The following MTMR3 variants were observed in gnomAD, a reference collection of about 807,000 sequenced individuals.
MTMR3 encodes phosphatidylinositol-3,5-bisphosphate 3-phosphatase MTMR3.
In MTMR3, 32 loss-of-function variants were observed where a neutral mutation model predicts 132.4. That is an observed-to-expected ratio of 0.24 (90% CI 0.18 to 0.32). The LOEUF (loss-of-function observed/expected upper bound fraction) is 0.32, where lower values mean the gene tolerates loss of function less well. Among genes scored for constraint, MTMR3 ranks in the 10% least tolerant of loss-of-function variants. MTMR3 has a pLI of 1.00. For synonymous variants in MTMR3, 556 were observed against 550.3 expected, an observed-to-expected ratio of 1.01 and a Z score of -0.14; for missense variants, 1,216 against 1,489.6, an observed-to-expected ratio of 0.82 and a Z score of 3.02.
At chr22:30,023,523 C>G in intron 19 of MTMR3, 1 of 1,609,072 alleles carries the variant, frequency 6.2e-7, no homozygotes, top group South Asian at 1.1e-5. Context: ...GTCTGCACAT[C>G]TACAATAACT....
chr22:29,936,468 G>T (rs2065752515), intron 1 of MTMR3, among the ~76,000 whole-genome samples: 1 of 152,002 alleles, frequency 6.6e-6, no homozygotes, highest in Non-Finnish European at 1.5e-5. Flanking sequence ...GCTTTTTCCT[G>T]TACTAGATGC....
intron 9 of MTMR3, chr22:30,004,760 G>A (rs2067242222): frequency 1.3e-5 from 2 of 152,242 alleles, no homozygotes; most frequent in African/African-American, 4.8e-5. Flanking sequence ...TTTGTAAGGG[G>A]CGTGTGGAAG....
chr22:30,020,001 T>TC lies in MTMR3; in HGVS notation c.2349dup (p.Arg784GlnfsTer22), dbSNP rs754172179. The TC allele has an allele frequency of 6.2e-7, 1 of 1,613,616 alleles. No individual in the cohort carries two copies. The highest frequency in any genetic ancestry group is 8.5e-7 in the Non-Finnish European group (1 of 1,179,894). On this transcript the variant is annotated frameshift_variant, in exon 17 of 20. Coordinates refer to ENST00000401950, the MANE Select transcript of MTMR3 (RefSeq NM_021090.4). LOFTEE classifies it high-confidence loss of function. Reference sequence around the variant, plus strand: ...AGTGTTCTCCTCAGTTCTCTCCAGGTCCCCCCCAGGGGAGAGGATTCCCTG... The same window carrying TC: ...AGTGTTCTCCTCAGTTCTCTCCAGGTCCCCCCCCAGGGGAGAGGATTCCCTG...
At chr22:30,023,406 C>T in intron 19 of MTMR3, 1 of 1,607,882 alleles carries the variant, frequency 6.2e-7, no homozygotes, top group Non-Finnish European at 8.5e-7. Flanking sequence ...ACCCCAAGCC[C>T]AGATATCTTT....
At chr22:29,921,300 G>A (rs938152355) in intron 1 of MTMR3, among the ~76,000 whole-genome samples, 1 of 152,086 alleles carries the variant, frequency 6.6e-6, no homozygotes, top group Non-Finnish European at 1.5e-5. Context: ...CAGTTCTCAC[G>A]TGAACTAATA....
At chr22:29,977,491 T>TAGG (rs1295400905) in intron 3 of MTMR3, among the ~76,000 whole-genome samples, 13 of 152,360 alleles carry the variant, frequency 8.5e-5, no homozygotes, top group African/African-American at 3.1e-4. Flanking sequence ...AGAAATCTAT[T>TAGG]TTGTAATATA....
chr22:29,961,834 T>C (rs1192060962), intron 2 of MTMR3, among the ~76,000 whole-genome samples: 1 of 152,224 alleles, frequency 6.6e-6, no homozygotes, highest in African/African-American at 2.4e-5. Flanking sequence ...TTTTAATCTT[T>C]TGTATCATTT....
At chr22:29,998,195 T>C (rs1042189518) in intron 7 of MTMR3, 4 of 152,394 alleles carry the variant, frequency 2.6e-5, no homozygotes, top group Admixed American at 1.3e-4. Context: ...TCAGTGATAC[T>C]GTTCTCAGAG....
intron 1 of MTMR3, among the ~76,000 whole-genome samples, chr22:29,893,378 T>A (rs551843160): frequency 1.3e-5 from 2 of 152,360 alleles, no homozygotes; most frequent in South Asian, 4.1e-4. Flanking sequence ...TATTTGTATG[T>A]ATGTATTTGT....
At chr22:29,963,125 T>G (rs1292213152) in intron 2 of MTMR3, among the ~76,000 whole-genome samples, 2 of 151,928 alleles carry the variant, frequency 1.3e-5, no homozygotes, top group Non-Finnish European at 2.9e-5. Context: ...TTATTATTAT[T>G]TTATAGAGAT....
At chr22:29,889,907 C>CTTTT (rs11399020) in intron 1 of MTMR3, among the ~76,000 whole-genome samples, 14 of 124,906 alleles carry the variant, frequency 1.1e-4, no homozygotes, top group Non-Finnish European at 1.4e-4. Context: ...AGGATAAATT[C>CTTTT]TTTTTTTTTT....
intron 2 of MTMR3, among the ~76,000 whole-genome samples, chr22:29,968,186 A>G (rs1228840442): frequency 6.6e-6 from 1 of 152,168 alleles, no homozygotes; most frequent in Admixed American, 6.5e-5. Flanking sequence ...AGGTTGTACC[A>G]CTTTACATTC....
At chr22:29,961,023 A>G (rs1234511514) in intron 2 of MTMR3, among the ~76,000 whole-genome samples, 1 of 152,188 alleles carries the variant, frequency 6.6e-6, no homozygotes, top group Non-Finnish European at 1.5e-5. Context: ...GTATAAACAT[A>G]CTTTGGAATT....
intron 1 of MTMR3, among the ~76,000 whole-genome samples, chr22:29,897,073 CTTTTTCTTT>C (rs1047269341): frequency 2.6e-4 from 39 of 150,942 alleles, no homozygotes; most frequent in Admixed American, 5.3e-4. Flanking sequence ...TTTTCTTTTT[CTTTTTCTTT>C]TTTTTCTTTT....
intron 1 of MTMR3, among the ~76,000 whole-genome samples, chr22:29,905,235 C>A (rs1235385157): frequency 6.6e-6 from 1 of 152,150 alleles, no homozygotes; most frequent in Non-Finnish European, 1.5e-5. Flanking sequence ...CCCTGTGGAA[C>A]CTGCCTATAT....
At chr22:30,023,295 G>T (rs1436724687) in intron 19 of MTMR3, 2 of 697,656 alleles carry the variant, frequency 2.9e-6, no homozygotes, top group African/African-American at 3.5e-5. Flanking sequence ...AAGTTTATCT[G>T]AATCATGCCA....
At chr22:30,005,400 C>G (rs904530151) in intron 9 of MTMR3, 1 of 152,184 alleles carries the variant, frequency 6.6e-6, no homozygotes, top group Non-Finnish European at 1.5e-5. Flanking sequence ...AACCCAAGAT[C>G]CAGGCTGAAG....
chr22:29,930,013 A>C (rs1481739438), intron 1 of MTMR3, among the ~76,000 whole-genome samples: 1 of 152,156 alleles, frequency 6.6e-6, no homozygotes, highest in African/African-American at 2.4e-5. Flanking sequence ...CCAGACACAT[A>C]GTCTTTGAAT....
intron 17 of MTMR3, 112 bp from the exon 18 acceptor site, chr22:30,021,917 C>T: frequency 1.3e-6 from 1 of 783,990 alleles, no homozygotes; most frequent in Non-Finnish European, 2.2e-6. Flanking sequence ...ATTCGGCAGT[C>T]CTAGCACTCG....
Sources: allele counts gnomAD v4.1 joint callset (sites outside exome capture counted in the v4.1 genomes callset), GRCh38; gene constraint gnomAD v4.1.1; transcripts MANE v1.5; gene names NCBI Gene and HGNC (gene_info 2026-07-23, HGNC 2026-07-21).